CACNA2D3: variants seen among roughly 807,000 people sequenced by gnomAD.
The protein encoded by CACNA2D3 is voltage-dependent calcium channel subunit alpha-2/delta-3.
A neutral mutation model predicts 160.6 loss-of-function variants in CACNA2D3; 60 were observed. The ratio of observed to expected loss-of-function variants is 0.37; its 90% CI spans 0.30 to 0.46. The LOEUF is 0.46. Ranked by LOEUF, CACNA2D3 falls within the 20% of genes least tolerant of loss-of-function variation. CACNA2D3 has a pLI of 1.00. For missense variants in CACNA2D3, 1,205 were observed against 1,365.0 expected (o/e 0.88, Z 1.85); for synonymous variants, 558 against 492.9 (o/e 1.13, Z -1.75).
At chr3:54,464,536 C>G (rs932392567) in intron 4 of CACNA2D3, among the ~76,000 whole-genome samples, 8 of 152,222 alleles carry the variant, frequency 5.3e-5, no homozygotes, top group African/African-American at 1.7e-4. Flanking sequence ...GAGTGCTGTG[C>G]TAGCAATCAG....
chr3:54,586,589 C>T (rs372710434), intron 9 of CACNA2D3, among the ~76,000 whole-genome samples: 2 of 152,132 alleles, frequency 1.3e-5, no homozygotes, highest in African/African-American at 4.8e-5. Flanking sequence ...GGGACTTGTA[C>T]ATTCCACAGT....
chr3:55,021,693 G>A (rs1355382779), intron 35 of CACNA2D3, among the ~76,000 whole-genome samples: 1 of 139,634 alleles, frequency 7.2e-6, no homozygotes, highest in Admixed American at 7.1e-5. Context: ...ATATATATAT[G>A]TGTGTATATA....
At chr3:54,566,437 A>G (rs1359724158) in intron 6 of CACNA2D3, among the ~76,000 whole-genome samples, 4 of 152,192 alleles carry the variant, frequency 2.6e-5, no homozygotes, top group Non-Finnish European at 5.9e-5. Context: ...TCATCTTTTT[A>G]TAGCCCTCTG....
chr3:54,303,825 T>TG (rs1301924007), intron 2 of CACNA2D3, among the ~76,000 whole-genome samples: 2 of 55,152 alleles, frequency 3.6e-5, no homozygotes, highest in East Asian at 3.3e-4. Context: ...TCTGTTTTTT[T>TG]TTTTTTTTTT....
At chr3:54,819,405 T>C (rs1316020342) in intron 14 of CACNA2D3, among the ~76,000 whole-genome samples, 1 of 152,192 alleles carries the variant, frequency 6.6e-6, no homozygotes, top group Non-Finnish European at 1.5e-5. Flanking sequence ...CCCCTGGTGC[T>C]TCATAGCACA....
chr3:54,430,248 A>G (rs556707726), intron 4 of CACNA2D3, among the ~76,000 whole-genome samples: 1 of 152,302 alleles, frequency 6.6e-6, no homozygotes, highest in South Asian at 2.1e-4. Flanking sequence ...TTCAATCCAA[A>G]TTATTCTGTG....
At chr3:54,796,191 T>C (rs541329433) in intron 13 of CACNA2D3, among the ~76,000 whole-genome samples, 17 of 152,306 alleles carry the variant, frequency 1.1e-4, no homozygotes, top group African/African-American at 4.1e-4. Context: ...TACTTTAAGT[T>C]TTTAGGGAAA....
chr3:54,601,378 T>C (rs994660238), intron 9 of CACNA2D3, among the ~76,000 whole-genome samples: 2 of 152,142 alleles, frequency 1.3e-5, no homozygotes, highest in Non-Finnish European at 2.9e-5. Context: ...AGGGTAATTT[T>C]TGGATTTTTT....
rs141725376 is a variant in CACNA2D3, at chr3:54,655,449, C to T, written c.1167+13208C>T. 4.6e-5 allele frequency among the ~76,000 whole-genome samples: 7 copies of T among 152,280 alleles called. No homozygotes were observed. In the East Asian group the frequency reaches 7.7e-4, roughly 17 times the overall value. On this transcript the variant is annotated intron_variant, in intron 11 of 37. Transcript: ENST00000474759. ...TTCAACCACTCGCATTGTTAAAATC[C>T]GTCTGCTGTAGTTAAAACATAGTTG...
intron 2 of CACNA2D3, among the ~76,000 whole-genome samples, chr3:54,232,064 C>T (rs550328167): frequency 6.6e-6 from 1 of 152,204 alleles, no homozygotes; most frequent in Non-Finnish European, 1.5e-5. Context: ...GCCTTGGGGG[C>T]GGCCCCAGCT....
At chr3:54,544,268 C>T (rs549819840) in intron 5 of CACNA2D3, among the ~76,000 whole-genome samples, 10 of 152,210 alleles carry the variant, frequency 6.6e-5, no homozygotes, top group African/African-American at 2.2e-4. Flanking sequence ...GACATGTTTG[C>T]TCTTAAATAA....
At chr3:54,142,236 G>A (rs185043265) in intron 2 of CACNA2D3, among the ~76,000 whole-genome samples, 37 of 152,296 alleles carry the variant, frequency 2.4e-4, no homozygotes, top group Admixed American at 2.2e-3. Flanking sequence ...GACTTATCCT[G>A]TACTTTCTTC....
intron 30 of CACNA2D3, among the ~76,000 whole-genome samples, chr3:54,987,459 T>C (rs77974686): frequency 1.8e-3 from 278 of 152,272 alleles, no homozygotes; most frequent in African/African-American, 6.5e-3. Context: ...CAGCATGGGT[T>C]ACGCAGCCCC....
At chr3:55,071,821 A>C (rs921768959) in intron 35 of CACNA2D3, among the ~76,000 whole-genome samples, 2 of 152,178 alleles carry the variant, frequency 1.3e-5, no homozygotes, top group Non-Finnish European at 2.9e-5. Context: ...TGGCAGACAC[A>C]CTTGGCTTAA....
intron 11 of CACNA2D3, among the ~76,000 whole-genome samples, chr3:54,717,469 A>T (rs1482932555): frequency 6.6e-6 from 1 of 151,860 alleles, no homozygotes; most frequent in Non-Finnish European, 1.5e-5. Flanking sequence ...TGCAATCCCA[A>T]ATGTTCTTAA....
intron 18 of CACNA2D3, 139 bp from the exon 19 acceptor site, chr3:54,878,879 G>GTACA: frequency 1.9e-6 from 1 of 534,978 alleles, no homozygotes; most frequent in South Asian, 3.1e-5. Flanking sequence ...ATGAGCAGTT[G>GTACA]GGTGTTTTAT....
rs1190799627 is a variant in CACNA2D3 at position 54,191,711 on chromosome 3, G to A, written c.204+68117G>A. On this transcript the variant is annotated intron_variant, in intron 2 of 37. Coordinates refer to ENST00000474759, the MANE Select transcript of CACNA2D3 (RefSeq NM_018398.3). The stretch of plus-strand genomic sequence containing the variant: ...TAGGCAGGGCTGGGTTTGGGTGTCA[G>A]GGCCATGCAATTGGGGCAAGTTCTG... 7.5e-4 allele frequency among the ~76,000 whole-genome samples: 114 copies of A among 152,078 alleles called. 1 individual carries two copies.
At chr3:54,208,186 A>G (rs1303283600) in intron 2 of CACNA2D3, among the ~76,000 whole-genome samples, 2 of 151,816 alleles carry the variant, frequency 1.3e-5, no homozygotes, top group Admixed American at 6.6e-5. Flanking sequence ...GCTCACTGCA[A>G]CCTCTGCCTC....
rs924318022 is a variant in CACNA2D3 at position 54,626,451 on chromosome 3, G to C, written c.964-1336G>C. The C allele has an allele frequency of 6.7e-5, 107 of 1,596,994 alleles. No homozygotes were observed. In the Admixed American group the frequency reaches 1.5e-3, roughly 22 times the overall value. ...AGCCGGAAGTGGTGAAGACGCACCT[G>C]CGTGACGTGATCATCCTGCCCGAGA... is the stretch of plus-strand genomic sequence containing the variant. On this transcript the variant is annotated intron_variant, in intron 9 of 37. Coordinates refer to ENST00000474759, the MANE Select transcript of CACNA2D3 (RefSeq NM_018398.3).
Sources: gnomAD v4.1 joint callset for allele counts (sites outside exome capture counted in the v4.1 genomes callset) on GRCh38, gnomAD v4.1.1 for gene constraint, MANE v1.5 for transcripts, NCBI Gene and HGNC (gene_info 2026-07-23, HGNC 2026-07-21) for gene names.